BMP6: variants seen among roughly 807,000 people sequenced by gnomAD.
The protein encoded by BMP6 is bone morphogenetic protein 6.
BMP6 carries 17 observed loss-of-function variants against 54.1 expected under a neutral mutation model. The observed-to-expected ratio is 0.31, with a 90% CI of 0.22 to 0.47. BMP6 has a LOEUF of 0.47. BMP6 is among the 20% of genes least tolerant of loss of function. The pLI is 1.00. For synonymous variants in BMP6, 328 were observed against 291.2 expected (o/e 1.13, Z -1.28); for missense variants, 720 against 690.4 (o/e 1.04, Z -0.48).
In BMP6 at chr6:7,774,664, G is replaced by A. The variant is rs375940794; in HGVS notation, c.664+47045G>A. 1.2e-4 allele frequency among the ~76,000 whole-genome samples: 19 copies of A among 152,320 alleles called. 2 individuals carry two copies. The highest frequency in any genetic ancestry group is 7.7e-4 in the East Asian group (4 of 5,186). On this transcript the variant is annotated intron_variant, in intron 1 of 6. Coordinates refer to ENST00000283147, the MANE Select transcript of BMP6 (RefSeq NM_001718.6). Reference sequence around the variant, plus strand: ...GCGGAGGTTGTAGTGAGCCCAGATCGTGCCACTGCACTCCAGCCTGGATGA... The same window carrying A: ...GCGGAGGTTGTAGTGAGCCCAGATCATGCCACTGCACTCCAGCCTGGATGA...
At chr6:7,803,890 T>C (rs527661208) in intron 1 of BMP6, among the ~76,000 whole-genome samples, 15 of 152,218 alleles carry the variant, frequency 9.9e-5, no homozygotes, top group Non-Finnish European at 1.6e-4. Flanking sequence ...GGATGAAATA[T>C]GGTAATTAAT....
intron 2 of BMP6, among the ~76,000 whole-genome samples, chr6:7,860,415 CA>C (rs1759316062): frequency 6.6e-6 from 1 of 152,174 alleles, no homozygotes; most frequent in Non-Finnish European, 1.5e-5. Context: ...CAGGCCATCT[CA>C]TTCTAGTGGC....
chr6:7,863,747 A>G (rs74546999), intron 4 of BMP6, among the ~76,000 whole-genome samples: 1,906 of 152,306 alleles, frequency 0.013, 35 homozygotes, highest in African/African-American at 0.044. Flanking sequence ...GGCAGGGTGC[A>G]GTGGCTCATG....
chr6:7,769,845 G>T (rs1389106396), intron 1 of BMP6, among the ~76,000 whole-genome samples: 1 of 152,112 alleles, frequency 6.6e-6, no homozygotes, highest in East Asian at 1.9e-4. Context: ...TCTTTTCATT[G>T]TCTAGAACCT....
chr6:7,880,176 C>A lies in BMP6; in HGVS notation c.1393-18C>A, dbSNP rs372116106. 6.8e-6 allele frequency: 11 copies of A among 1,613,960 alleles called. No homozygotes were observed. The highest frequency in any genetic ancestry group is 8.5e-6 in the Non-Finnish European group (10 of 1,180,000). On this transcript the variant is annotated intron_variant, in intron 6 of 6. Coordinates refer to ENST00000283147, the MANE Select transcript of BMP6 (RefSeq NM_001718.6). Reference sequence around the variant, plus strand: ...GTGTCATTTCTAAGGTACCTTCTCCCCTTCTGTTTTGGAACAGGTTCACCT... The same window carrying A: ...GTGTCATTTCTAAGGTACCTTCTCCACTTCTGTTTTGGAACAGGTTCACCT...
intron 1 of BMP6, among the ~76,000 whole-genome samples, chr6:7,787,643 GC>G (rs1386878432): frequency 2.0e-5 from 3 of 152,206 alleles, no homozygotes; most frequent in African/African-American, 7.2e-5. Context: ...CTTAGCCGTG[GC>G]TGCTCTGTCT....
At chr6:7,859,686 G>A (rs553383520) in intron 2 of BMP6, among the ~76,000 whole-genome samples, 2 of 151,790 alleles carry the variant, frequency 1.3e-5, no homozygotes, top group Admixed American at 6.6e-5. Context: ...CGCACCCCCC[G>A]CAATCTCCCT....
Position 7,727,273 on chromosome 6 carries a change from G to A in BMP6, c.318G>A (p.Ala106=). 1.9e-6 allele frequency: 3 copies of A among 1,605,576 alleles called. No homozygotes were observed. Among genetic ancestry groups the A allele is most frequent in the East Asian group, 4.5e-5 (2 of 44,618 alleles). ...LHGLQQPQPP[A]LRQQEEQQQQ... ...GCCTCCAACAGCCGCAGCCCCCGGC[G>A]CTCCGGCAGCAGGAGGAGCAGCAGC... The change falls in exon 1 of 7, where the codon GCG becomes GCA. Residue 106 remains alanine (A), a synonymous_variant. Transcript: ENST00000283147.
intron 4 of BMP6, among the ~76,000 whole-genome samples, chr6:7,864,560 G>T (rs2113280875): frequency 6.6e-6 from 1 of 152,326 alleles, no homozygotes; most frequent in Non-Finnish European, 1.5e-5. Context: ...GGCCAAACAT[G>T]TTGGGAAGAG....
chr6:7,762,880 G>A (rs1415075981), intron 1 of BMP6, among the ~76,000 whole-genome samples: 2 of 152,204 alleles, frequency 1.3e-5, no homozygotes, highest in African/African-American at 4.8e-5. Flanking sequence ...TTAAGCCGCC[G>A]TGCGACGCAG....
intron 1 of BMP6, among the ~76,000 whole-genome samples, chr6:7,732,871 T>C (rs1412422240): frequency 1.3e-5 from 2 of 151,360 alleles, no homozygotes; most frequent in Non-Finnish European, 2.9e-5. Context: ...TCCCATCTTA[T>C]ATCAAAAATG....
At chr6:7,795,694 G>C (rs1182705192) in intron 1 of BMP6, among the ~76,000 whole-genome samples, 1 of 152,170 alleles carries the variant, frequency 6.6e-6, no homozygotes, top group African/African-American at 2.4e-5. Context: ...CCAGCAGAGA[G>C]ATGAGGGCCT....
chr6:7,775,940 C>T (rs1419235661), intron 1 of BMP6, among the ~76,000 whole-genome samples: 1 of 152,196 alleles, frequency 6.6e-6, no homozygotes, highest in Non-Finnish European at 1.5e-5. Flanking sequence ...CGCACTCATT[C>T]TACTTACATT....
At chr6:7,855,891 T>C (rs564590313) in intron 2 of BMP6, among the ~76,000 whole-genome samples, 30 of 152,204 alleles carry the variant, frequency 2.0e-4, no homozygotes, top group Non-Finnish European at 4.4e-5. Context: ...TAATAGTATT[T>C]ACCTCTTACG....
intron 1 of BMP6, among the ~76,000 whole-genome samples, chr6:7,752,813 A>C (rs1757447304): frequency 1.3e-5 from 2 of 152,186 alleles, no homozygotes; most frequent in African/African-American, 4.8e-5. Context: ...TTTAGATATC[A>C]GCACAGAATA....
intron 1 of BMP6, among the ~76,000 whole-genome samples, chr6:7,828,105 C>T (rs1010191958): frequency 7.9e-5 from 12 of 152,062 alleles, no homozygotes; most frequent in African/African-American, 2.9e-4. Context: ...ATGCTTGAGC[C>T]TGGTGAATTT....
intron 1 of BMP6, among the ~76,000 whole-genome samples, chr6:7,730,768 A>T (rs1761840330): frequency 6.6e-6 from 1 of 152,240 alleles, no homozygotes; most frequent in Admixed American, 6.5e-5. Flanking sequence ...ATTGCTGTCA[A>T]TGCCATGTTA....
At chr6:7,729,905 A>G (rs576925226) in intron 1 of BMP6, among the ~76,000 whole-genome samples, 1 of 152,264 alleles carries the variant, frequency 6.6e-6, no homozygotes, top group African/African-American at 2.4e-5. Flanking sequence ...GGATCTCCCA[A>G]CGTTGCCCAG....
rs775278395 is a variant in BMP6 at position 7,880,728 on chromosome 6, C to A, written c.*385C>A. Reference sequence around the variant, plus strand: ...TAATCTCAAAGGAGTTAAATGTATTCTTGGCTAAAGGATCAGCTGGTTCAG... The same window carrying A: ...TAATCTCAAAGGAGTTAAATGTATTATTGGCTAAAGGATCAGCTGGTTCAG... On this transcript the variant is annotated 3_prime_UTR_variant, in exon 7 of 7. Coordinates refer to ENST00000283147, the MANE Select transcript of BMP6 (RefSeq NM_001718.6). The A allele has an allele frequency of 8.2e-4, 227 of 276,678 alleles. 1 individual carries two copies. Among genetic ancestry groups the A allele is most frequent in the Non-Finnish European group, 1.0e-3 (147 of 142,806 alleles). The allele number at this position is 276,678 out of a possible 1,614,324, so 17.1% of individuals were successfully genotyped here.
Sources: allele counts gnomAD v4.1 joint callset (sites outside exome capture counted in the v4.1 genomes callset), GRCh38; gene constraint gnomAD v4.1.1; transcripts MANE v1.5; gene names NCBI Gene and HGNC (gene_info 2026-07-23, HGNC 2026-07-21).